KLHL7: variants seen among roughly 807,000 people sequenced by gnomAD.
KLHL7 encodes kelch-like protein 7.
KLHL7 carries 44 observed loss-of-function variants against 67.4 expected under a neutral mutation model. The ratio of observed to expected loss-of-function variants is 0.65; its 90% CI spans 0.51 to 0.84. The LOEUF (loss-of-function observed/expected upper bound fraction) is 0.84, where lower values mean the gene tolerates loss of function less well. KLHL7 is among the 40% of genes least tolerant of loss of function. The probability of loss-of-function intolerance (pLI) is 0.00; values close to 1 mark genes in which losing one functional copy is unlikely to be tolerated. For synonymous variants in KLHL7, 252 were observed against 243.3 expected (o/e 1.04, Z -0.33); for missense variants, 362 against 718.1 (o/e 0.50, Z 5.67).
chr7:23,108,306 C>T (rs773722375), intron 1 of KLHL7, among the ~76,000 whole-genome samples: 3 of 152,092 alleles, frequency 2.0e-5, no homozygotes, highest in Non-Finnish European at 2.9e-5. Flanking sequence ...GTATAGTGGC[C>T]GATTCTATAC....
intron 9 of KLHL7, chr7:23,171,172 T>G (rs1461113543): frequency 8.2e-6 from 3 of 364,612 alleles, no homozygotes; most frequent in Non-Finnish European, 1.1e-5. Context: ...CCCAAAGTGC[T>G]GGGATTACAG....
At chr7:23,147,773 G>C (rs1313724258) in intron 6 of KLHL7, among the ~76,000 whole-genome samples, 1 of 152,170 alleles carries the variant, frequency 6.6e-6, no homozygotes, top group Admixed American at 6.5e-5. Context: ...TGGTTTCCTA[G>C]ACTTGCAGGT....
At position 23,168,056 on chromosome 7, in the gene KLHL7, T is replaced by C; in HGVS notation, c.1379+19T>C. The C allele has an allele frequency of 6.2e-7, 1 of 1,604,738 alleles. No individual in the cohort carries two copies. The highest frequency in any genetic ancestry group is 8.5e-7 in the Non-Finnish European group (1 of 1,171,536). Reference sequence around the variant, plus strand: ...CAGAAACGTATGTATCTATTTAAAATTTATTTTACAGTTAACTGTATTCTA... The same window carrying C: ...CAGAAACGTATGTATCTATTTAAAACTTATTTTACAGTTAACTGTATTCTA... On this transcript the variant is annotated intron_variant, in intron 9 of 10. Transcript: ENST00000339077.
chr7:23,113,616 A>G (rs1272586482), intron 1 of KLHL7, among the ~76,000 whole-genome samples: 1 of 152,174 alleles, frequency 6.6e-6, no homozygotes, highest in Non-Finnish European at 1.5e-5. Flanking sequence ...AGATCACTTG[A>G]GGCCAGGAGT....
At chr7:23,172,843 T>C (rs573704697) in intron 9 of KLHL7, 105 bp from the exon 10 acceptor site, 29 of 831,326 alleles carry the variant, frequency 3.5e-5, no homozygotes, top group Admixed American at 9.0e-5. Flanking sequence ...TGTACACATA[T>C]GTGAGTAGTA....
chr7:23,161,120 T>TA lies in KLHL7; in HGVS notation c.937-4571dup, dbSNP rs568070887. Among the ~76,000 whole-genome samples, 565 of 152,226 alleles carry TA rather than the reference T, an allele frequency of 3.7e-3. 3 individuals are homozygous for TA. Among genetic ancestry groups the TA allele is most frequent in the Non-Finnish European group, 6.4e-3 (437 of 68,004 alleles). Reference sequence around the variant, plus strand: ...TCATTGTATTTTCGTTGTTATTTTTTAAAAAAATACATATTCTTTGTAGAA... The same window carrying TA: ...TCATTGTATTTTCGTTGTTATTTTTTAAAAAAAATACATATTCTTTGTAGAA... On this transcript the variant is annotated intron_variant, in intron 7 of 10. Transcript: ENST00000339077.
At chr7:23,163,384 C>A (rs7807966) in intron 7 of KLHL7, among the ~76,000 whole-genome samples, 140,568 of 151,964 alleles carry the variant, frequency 0.93, 65,194 homozygotes, top group East Asian at 0.99. Flanking sequence ...GTTGGCCAGG[C>A]TGGTCTTGAA....
chr7:23,151,501 T>C (rs765460815), intron 6 of KLHL7, among the ~76,000 whole-genome samples: 1 of 149,876 alleles, frequency 6.7e-6, no homozygotes, highest in African/African-American at 2.5e-5. Flanking sequence ...GTGTTAAATA[T>C]GCAGATGCTG....
At position 23,127,602 on chromosome 7, in the gene KLHL7, A is replaced by G. The variant is rs73086123; in HGVS notation, c.442+2430A>G. On this transcript the variant is annotated intron_variant, in intron 4 of 10. Coordinates refer to ENST00000339077, the MANE Select transcript of KLHL7 (RefSeq NM_001031710.3). Reference sequence around the variant, plus strand: ...AGAGTCCATCAATCGAGCTTCCACAAATGCTAAAGGAACCGGTGGCAGCTG... The same window carrying G: ...AGAGTCCATCAATCGAGCTTCCACAGATGCTAAAGGAACCGGTGGCAGCTG... 8.8e-3 allele frequency among the ~76,000 whole-genome samples: 1,339 copies of G among 152,250 alleles called. 12 individuals carry two copies. The highest frequency in any genetic ancestry group is 0.017 in the South Asian group (80 of 4,828).
At chr7:23,170,906 A>ATTT (rs1410953386) in intron 9 of KLHL7, among the ~76,000 whole-genome samples, 2 of 103,232 alleles carry the variant, frequency 1.9e-5, no homozygotes, top group African/African-American at 4.9e-5. Flanking sequence ...TTAAGAAATG[A>ATTT]CTTTTTTTTT....
intron 9 of KLHL7, 128 bp from the exon 10 acceptor site, chr7:23,172,819 AT>A (rs1185056131): frequency 1.4e-6 from 1 of 708,372 alleles, no homozygotes; most frequent in Non-Finnish European, 2.5e-6. Context: ...CCTTCTAGAC[AT>A]TTTGTGCGTA....
At chr7:23,163,990 A>C (rs1410330151) in intron 7 of KLHL7, among the ~76,000 whole-genome samples, 1 of 152,162 alleles carries the variant, frequency 6.6e-6, no homozygotes, top group Non-Finnish European at 1.5e-5. Context: ...TAACATGAGA[A>C]CTGCATATTC....
chr7:23,147,915 G>A (rs1230381248), intron 6 of KLHL7, among the ~76,000 whole-genome samples: 2 of 51,778 alleles, frequency 3.9e-5, no homozygotes, highest in African/African-American at 2.3e-4. Context: ...CTGCCATTGG[G>A]CAGGTATTTT....
At chr7:23,133,407 G>A (rs566199453) in intron 4 of KLHL7, among the ~76,000 whole-genome samples, 1 of 151,552 alleles carries the variant, frequency 6.6e-6, no homozygotes, top group South Asian at 2.1e-4. Flanking sequence ...TTGTAAATGG[G>A]GCTACTTATT....
intron 7 of KLHL7, among the ~76,000 whole-genome samples, chr7:23,156,764 A>G (rs1784718722): frequency 6.6e-6 from 1 of 152,180 alleles, no homozygotes; most frequent in Non-Finnish European, 1.5e-5. Context: ...CCCTGGGTGC[A>G]TTTTCATATT....
At chr7:23,114,023 T>C (rs1782988143) in intron 1 of KLHL7, among the ~76,000 whole-genome samples, 1 of 152,240 alleles carries the variant, frequency 6.6e-6, no homozygotes, top group South Asian at 2.1e-4. Context: ...CATCTTGAGC[T>C]CATATCTACC....
chr7:23,153,238 C>T (rs979558308), intron 7 of KLHL7, among the ~76,000 whole-genome samples: 3 of 152,154 alleles, frequency 2.0e-5, no homozygotes, highest in Non-Finnish European at 2.9e-5. Context: ...GGGGCTACAA[C>T]GCTTCTGCAG....
intron 7 of KLHL7, among the ~76,000 whole-genome samples, chr7:23,159,755 A>G (rs1171584648): frequency 6.6e-6 from 1 of 152,092 alleles, no homozygotes; most frequent in Non-Finnish European, 1.5e-5. Context: ...GGTGTCAACT[A>G]CTGAGCTCAA....
chr7:23,125,871 C>T (rs1311153829), intron 4 of KLHL7: 4 of 1,549,046 alleles, frequency 2.6e-6, no homozygotes, highest in Non-Finnish European at 3.5e-6. Context: ...CAGTAGCCCA[C>T]CCTTATCTGC....
Sources: gnomAD v4.1 joint callset for allele counts (sites outside exome capture counted in the v4.1 genomes callset) on GRCh38, gnomAD v4.1.1 for gene constraint, MANE v1.5 for transcripts, NCBI Gene and HGNC (gene_info 2026-07-23, HGNC 2026-07-21) for gene names.